PHF2: variants seen among roughly 807,000 people sequenced by gnomAD.
The protein encoded by PHF2 is PHD finger protein 2.
PHF2 carries 27 observed loss-of-function variants against 120.5 expected under a neutral mutation model. That is an observed-to-expected ratio of 0.22 (90% CI 0.17 to 0.31). The LOEUF is 0.31. Among genes scored for constraint, PHF2 ranks in the 10% least tolerant of loss-of-function variants. PHF2 has a pLI of 1.00. For synonymous variants in PHF2, 568 were observed against 592.5 expected (o/e 0.96, Z 0.60); for missense variants, 1,024 against 1,434.8 (o/e 0.71, Z 4.63).
Position 93,652,733 on chromosome 9 carries a change from C to T in PHF2, c.603-446C>T, listed in dbSNP as rs76751209. Among the ~76,000 whole-genome samples the T allele has an allele frequency of 5.8e-4, 88 of 152,284 alleles. No individual in the cohort carries two copies. The East Asian group carries it at 0.016, about 28-fold the overall frequency. ...ACAGTGACTTGACGTGGCCAGGGGT[C>T]GTGGGCACCCTGTTGTCAGCTCTGG... On this transcript the variant is annotated intron_variant, in intron 5 of 21. Transcript: ENST00000359246.
At chr9:93,635,127 G>A (rs10992815) in intron 2 of PHF2, among the ~76,000 whole-genome samples, 42,047 of 152,108 alleles carry the variant, frequency 0.28, 7,436 homozygotes, top group Non-Finnish European at 0.39. Context: ...TGACTCTGTC[G>A]GATTTTGCCA....
intron 12 of PHF2, 106 bp downstream of exon 12, chr9:93,660,666 C>T (rs991030549): frequency 2.9e-5 from 33 of 1,119,508 alleles, no homozygotes; most frequent in Non-Finnish European, 4.0e-5. Context: ...CCTTGTTCCC[C>T]AGGGGCCCCT....
intron 1 of PHF2, among the ~76,000 whole-genome samples, chr9:93,624,684 A>G (rs111066151): frequency 3.9e-4 from 58 of 147,978 alleles, no homozygotes; most frequent in East Asian, 1.6e-3. Flanking sequence ...GATGATGATG[A>G]TGGTGGTGGC....
In PHF2 at chr9:93,659,995, G is replaced by A. The variant is rs893831492; in HGVS notation, c.1330-197G>A. ...GAGAGCAAGTGACTCATGGCATGTC[G>A]CAGGTGTGAGTGTGTCACACAATAG... is the stretch of plus-strand genomic sequence containing the variant. On this transcript the variant is annotated intron_variant, in intron 11 of 21. Transcript: ENST00000359246. 6.6e-5 allele frequency among the ~76,000 whole-genome samples: 10 copies of A among 152,118 alleles called. No homozygotes were observed. The South Asian group carries it at 2.1e-3, about 31-fold the overall frequency.
Position 93,614,905 on chromosome 9 carries a change from A to G in PHF2, c.99-15065A>G, listed in dbSNP as rs1403217264. On this transcript the variant is annotated intron_variant, in intron 1 of 21. Transcript: ENST00000359246. ...GGTGATGGTGATGGTAATGATGGTG[A>G]TGATGGTGATAGTAATGGTGATGGT... 1.0e-4 allele frequency among the ~76,000 whole-genome samples: 15 copies of G among 150,112 alleles called. 1 individual carries two copies. Among genetic ancestry groups the G allele is most frequent in the Non-Finnish European group, 1.5e-5 (1 of 67,614 alleles).
chr9:93,616,892 G>A (rs1825738535), intron 1 of PHF2, among the ~76,000 whole-genome samples: 2 of 152,108 alleles, frequency 1.3e-5, no homozygotes, highest in Admixed American at 1.3e-4. Context: ...CTGACCTCAG[G>A]TGATCCACCC....
intron 17 of PHF2, among the ~76,000 whole-genome samples, chr9:93,667,767 T>C (rs1366970563): frequency 6.6e-6 from 1 of 152,242 alleles, no homozygotes; most frequent in East Asian, 1.9e-4. Flanking sequence ...AGAATTTCCA[T>C]CTGCCTGATT....
chr9:93,597,528 G>A (rs1259752782), intron 1 of PHF2, among the ~76,000 whole-genome samples: 2 of 152,106 alleles, frequency 1.3e-5, no homozygotes, highest in Non-Finnish European at 2.9e-5. Flanking sequence ...CTGTGGGGCA[G>A]GAAGCGGGGT....
intron 11 of PHF2, 142 bp downstream of exon 11, chr9:93,659,742 T>C (rs1375797333): frequency 2.4e-5 from 18 of 734,970 alleles, no homozygotes; most frequent in South Asian, 5.4e-5. Flanking sequence ...CCTTGCACTT[T>C]CCTGGGCAAG....
At chr9:93,604,871 C>T (rs1439820498) in intron 1 of PHF2, among the ~76,000 whole-genome samples, 2 of 152,006 alleles carry the variant, frequency 1.3e-5, no homozygotes, top group African/African-American at 2.4e-5. Context: ...GAGATTTTCC[C>T]ATCTGGGTAG....
intron 1 of PHF2, among the ~76,000 whole-genome samples, chr9:93,589,072 C>T (rs967541548): frequency 6.6e-5 from 10 of 152,156 alleles, no homozygotes; most frequent in East Asian, 1.9e-4. Context: ...AAGGTGAAGC[C>T]GCTTTCCCAG....
chr9:93,589,139 C>G (rs1306988737), intron 1 of PHF2, among the ~76,000 whole-genome samples: 1 of 152,184 alleles, frequency 6.6e-6, no homozygotes, highest in Non-Finnish European at 1.5e-5. Flanking sequence ...GTCTCTTTCT[C>G]TAGTTCCTTC....
rs545473438 is a variant in PHF2, at chr9:93,589,706, T to C, written c.98+12835T>C. Among the ~76,000 whole-genome samples, 3 of 152,324 alleles carry C rather than the reference T, an allele frequency of 2.0e-5. No individual in the cohort carries two copies. In the South Asian group the frequency reaches 6.2e-4, roughly 32 times the overall value. On this transcript the variant is annotated intron_variant, in intron 1 of 21. Transcript: ENST00000359246. ...TTGCAAACAGAACATTAGCACATGG[T>C]AAGAAAAATTTTAAAAAGAGTGAGA...
chr9:93,649,621 A>G (rs961180678), intron 5 of PHF2, among the ~76,000 whole-genome samples: 1 of 151,910 alleles, frequency 6.6e-6, no homozygotes, highest in African/African-American at 2.4e-5. Flanking sequence ...CCACTTCCGG[A>G]CACACAACAT....
At chr9:93,599,266 C>T (rs1419637162) in intron 1 of PHF2, among the ~76,000 whole-genome samples, 1 of 152,208 alleles carries the variant, frequency 6.6e-6, no homozygotes, top group African/African-American at 2.4e-5. Flanking sequence ...TCTTCATCTT[C>T]AAGGAGCAAT....
chr9:93,613,522 G>C (rs1234585320), intron 1 of PHF2, among the ~76,000 whole-genome samples: 1 of 150,842 alleles, frequency 6.6e-6, no homozygotes, highest in Non-Finnish European at 1.5e-5. Context: ...GACTCAGTAG[G>C]TCCCGGTGGA....
chr9:93,657,938 A>G (rs767524669), intron 9 of PHF2, among the ~76,000 whole-genome samples: 1 of 152,012 alleles, frequency 6.6e-6, no homozygotes, highest in Non-Finnish European at 1.5e-5. Flanking sequence ...GGGAGGGCCA[A>G]TCTTTCCTCA....
At chr9:93,631,187 C>A (rs1353747034) in intron 2 of PHF2, among the ~76,000 whole-genome samples, 1 of 152,194 alleles carries the variant, frequency 6.6e-6, no homozygotes, top group Non-Finnish European at 1.5e-5. Context: ...GAGGCCTGGC[C>A]TGGCAGCTGG....
At chr9:93,586,010 G>A (rs1340644079) in intron 1 of PHF2, among the ~76,000 whole-genome samples, 2 of 152,226 alleles carry the variant, frequency 1.3e-5, no homozygotes, top group Non-Finnish European at 2.9e-5. Flanking sequence ...AGGGGTTTAG[G>A]CCCATTTCCC....
Sources: gnomAD v4.1 joint callset for allele counts (sites outside exome capture counted in the v4.1 genomes callset) on GRCh38, gnomAD v4.1.1 for gene constraint, MANE v1.5 for transcripts, NCBI Gene and HGNC (gene_info 2026-07-23, HGNC 2026-07-21) for gene names.